The following P2RY11 variants were observed in gnomAD, a reference collection of about 807,000 sequenced individuals.
P2RY11 encodes purinergic receptor P2Y11.
In P2RY11, 3 loss-of-function variants were observed where a neutral mutation model predicts 2.4. That is an observed-to-expected ratio of 1.22 (90% CI 0.56 to 3.17). The LOEUF is 3.17. Among genes scored for constraint, P2RY11 ranks in the 30% most tolerant of loss-of-function variants. The probability of loss-of-function intolerance (pLI) is 0.03; values close to 1 mark genes in which losing one functional copy is unlikely to be tolerated. For missense variants in P2RY11, 670 were observed against 528.2 expected (o/e 1.27, Z -2.63); for synonymous variants, 307 against 237.3 (o/e 1.29, Z -2.70).
chr19:10,113,592 TG>T lies in P2RY11; in HGVS notation c.20-36del, dbSNP rs769303151. 6.3e-6 allele frequency: 10 copies of T among 1,576,328 alleles called. No individual in the cohort carries two copies. In the South Asian group the frequency reaches 1.0e-4, roughly 16 times the overall value. On this transcript the variant is annotated intron_variant, in intron 1 of 1. Coordinates refer to ENST00000321826, the MANE Select transcript of P2RY11 (RefSeq NM_002566.5). ...TCTTGGGGTAGCAGGAGCCGCCTTATGGGGGAATAGGGCTCAGCTGGTGACA... is the reference window on the plus strand; with the variant it reads ...TCTTGGGGTAGCAGGAGCCGCCTTATGGGGAATAGGGCTCAGCTGGTGACA...
intron 1 of P2RY11, among the ~76,000 whole-genome samples, chr19:10,112,942 C>CA (rs917287374): frequency 6.8e-4 from 99 of 144,536 alleles, no homozygotes; most frequent in African/African-American, 2.2e-3. Context: ...GACTCTGTCT[C>CA]AAAAAAAAAA....
Position 10,115,345 on chromosome 19 carries a change from A to C in P2RY11, c.*607A>C. Reference sequence around the variant, plus strand: ...CCCCTCTGCCCGGTTTTGGAAAAAAACAATAAAGGACTGTCCCCTCAAAAC... The same window carrying C: ...CCCCTCTGCCCGGTTTTGGAAAAAACCAATAAAGGACTGTCCCCTCAAAAC... On this transcript the variant is annotated 3_prime_UTR_variant, in exon 2 of 2. Transcript: ENST00000321826. 8.3e-7 allele frequency: 1 copy of C among 1,197,756 alleles called. No homozygotes were observed. The allele number at this position is 1,197,756 out of a possible 1,614,324, so 74.2% of individuals were successfully genotyped here. A position where few individuals can be genotyped will look rare whatever the true frequency, so the allele number is the denominator to read the frequency against.
In P2RY11 at chr19:10,115,216, G is replaced by A; in HGVS notation, c.*478G>A. The A allele has an allele frequency of 1.3e-6, 2 of 1,531,206 alleles. No homozygotes were observed. The highest frequency in any genetic ancestry group is 1.8e-6 in the Non-Finnish European group (2 of 1,122,194). The allele number at this position is 1,531,206 out of a possible 1,614,324, so 94.9% of individuals were successfully genotyped here. A position where few individuals can be genotyped will look rare whatever the true frequency, so the allele number is the denominator to read the frequency against. On this transcript the variant is annotated 3_prime_UTR_variant, in exon 2 of 2. Transcript: ENST00000321826. ...CAAGTGGCATCTTGGGGGTGGGTGG[G>A]CAGAGGACGGGGTAATGTGAGGACG...
rs76502628 is a variant in P2RY11 at position 10,115,224 on chromosome 19, C to G, written c.*486C>G. Reference sequence around the variant, plus strand: ...ATCTTGGGGGTGGGTGGGCAGAGGACGGGGTAATGTGAGGACGAAGCGGGC... The same window carrying G: ...ATCTTGGGGGTGGGTGGGCAGAGGAGGGGGTAATGTGAGGACGAAGCGGGC... On this transcript the variant is annotated 3_prime_UTR_variant, in exon 2 of 2. Transcript: ENST00000321826. 6.7e-7 allele frequency: 1 copy of G among 1,499,176 alleles called. No individual in the cohort carries two copies. The highest frequency in any genetic ancestry group is 1.4e-5 in the African/African-American group (1 of 72,884). 92.9% of individuals were successfully genotyped at this position (1,499,176 alleles called of 1,614,324 possible). A position where few individuals can be genotyped will look rare whatever the true frequency, so the allele number is the denominator to read the frequency against.
chr19:10,115,233 G>C lies in P2RY11; in HGVS notation c.*495G>C, dbSNP rs1324823409. On this transcript the variant is annotated 3_prime_UTR_variant, in exon 2 of 2. Coordinates refer to ENST00000321826, the MANE Select transcript of P2RY11 (RefSeq NM_002566.5). ...GTGGGTGGGCAGAGGACGGGGTAATGTGAGGACGAAGCGGGCACGGAGCCA... is the reference window on the plus strand; with the variant it reads ...GTGGGTGGGCAGAGGACGGGGTAATCTGAGGACGAAGCGGGCACGGAGCCA... The C allele has an allele frequency of 2.1e-6, 3 of 1,453,422 alleles. No homozygotes were observed. The highest frequency in any genetic ancestry group is 2.8e-6 in the Non-Finnish European group (3 of 1,065,758). The allele number at this position is 1,453,422 out of a possible 1,614,324, so 90.0% of individuals were successfully genotyped here. A position where few individuals can be genotyped will look rare whatever the true frequency, so the allele number is the denominator to read the frequency against.
Position 10,111,760 on chromosome 19 carries a change from G to C in P2RY11, c.19+20G>C. On this transcript the variant is annotated intron_variant, in intron 1 of 1. Transcript: ENST00000321826. ...TCTCGGGTAAGGAGAAGGCATGTTG[G>C]CTGTCTCTGGGGGTCTGCAGATTGT... 6.2e-7 allele frequency: 1 copy of C among 1,613,320 alleles called. No homozygotes were observed. The highest frequency in any genetic ancestry group is 8.5e-7 in the Non-Finnish European group (1 of 1,179,628).
rs2145224911 is a variant in P2RY11, at chr19:10,115,166, G to A, written c.*428G>A. 6.2e-7 allele frequency: 1 copy of A among 1,612,364 alleles called. No individual in the cohort carries two copies. Among genetic ancestry groups the A allele is most frequent in the Non-Finnish European group, 8.5e-7 (1 of 1,179,402 alleles). On this transcript the variant is annotated 3_prime_UTR_variant, in exon 2 of 2. Coordinates refer to ENST00000321826, the MANE Select transcript of P2RY11 (RefSeq NM_002566.5). The stretch of plus-strand genomic sequence containing the variant: ...GAGGGTGGCAGGTATAAGACTTCTG[G>A]GGGCACCCCAAGACCCCAGACACCC...
chr19:10,115,342 A>AAAAC lies in P2RY11; in HGVS notation c.*607_*610dup. On this transcript the variant is annotated 3_prime_UTR_variant, in exon 2 of 2. Transcript: ENST00000321826. ...CCACCCCTCTGCCCGGTTTTGGAAA[A>AAAAC]AAACAATAAAGGACTGTCCCCTCAA... is the stretch of plus-strand genomic sequence containing the variant. The AAAAC allele has an allele frequency of 8.3e-7, 1 of 1,199,976 alleles. No individual in the cohort carries two copies. The highest frequency in any genetic ancestry group is 1.2e-6 in the Non-Finnish European group (1 of 865,692). The allele number at this position is 1,199,976 out of a possible 1,614,324, so 74.3% of individuals were successfully genotyped here.
Position 10,115,140 on chromosome 19 carries a change from G to A in P2RY11, c.*402G>A. 6.2e-7 allele frequency: 1 copy of A among 1,613,904 alleles called. No individual in the cohort carries two copies. The highest frequency in any genetic ancestry group is 8.5e-7 in the Non-Finnish European group (1 of 1,180,004). The stretch of plus-strand genomic sequence containing the variant: ...TAGTTGGTGGACGGCCTGGGGTAGG[G>A]GAGGGTGGCAGGTATAAGACTTCTG... On this transcript the variant is annotated 3_prime_UTR_variant, in exon 2 of 2. Coordinates refer to ENST00000321826, the MANE Select transcript of P2RY11 (RefSeq NM_002566.5).
chr19:10,112,827 A>T (rs184320017), intron 1 of P2RY11, among the ~76,000 whole-genome samples: 1 of 151,650 alleles, frequency 6.6e-6, no homozygotes, highest in East Asian at 1.9e-4. Flanking sequence ...CTGTAGTCCC[A>T]AATACTCAGG....
At chr19:10,111,994 C>T (rs1432071409) in intron 1 of P2RY11, 9 of 462,828 alleles carry the variant, frequency 1.9e-5, no homozygotes, top group African/African-American at 1.2e-4. Flanking sequence ...CCTGTAATCC[C>T]AGCTACTCGG....
chr19:10,114,063 C>T lies in P2RY11; in HGVS notation c.450C>T (p.Ser150=), dbSNP rs146401761. 65 of 1,600,410 alleles carry T rather than the reference C, an allele frequency of 4.1e-5. No homozygotes were observed. Among genetic ancestry groups the T allele is most frequent in the African/African-American group, 3.5e-4 (26 of 75,042 alleles). The change falls in exon 2 of 2, where the codon AGC becomes AGT. Residue 150 remains serine, a synonymous_variant. Transcript: ENST00000321826. ...GACCCAAGCACGCCTGGGCCGTGAG[C>T]GCTGCCGGCTGGGTCCTGGCCGCCC... ...HLRPKHAWAV[S]AAGWVLAALL...
chr19:10,111,808 T>C (rs1281304385), intron 1 of P2RY11, 68 bp downstream of exon 1: 131 of 1,575,970 alleles, frequency 8.3e-5, no homozygotes, highest in Non-Finnish European at 1.1e-4. Context: ...GTAGTGGGTA[T>C]TGGTAAAACA....
chr19:10,113,687 G>C lies in P2RY11; in HGVS notation c.74G>C (p.Gly25Ala). The change falls in exon 2 of 2, where the codon GGG becomes GCG. Residue 25 changes from glycine to alanine, a missense_variant. Physicochemically the swap from Gly to Ala is moderately conservative, Grantham distance 60. Transcript: ENST00000321826. ...GCAGCTGCCGACGACAAACTCAGTG[G>C]GTTCCAGGGGGACTTCCTGTGGCCC... ...FLAAADDKLSGFQGDFLWPIL... is the reference protein window; with the variant it reads ...FLAAADDKLSAFQGDFLWPIL... 4 of 1,566,342 alleles carry C rather than the reference G, an allele frequency of 2.6e-6. No individual in the cohort carries two copies. The highest frequency in any genetic ancestry group is 1.8e-5 in the Admixed American group (1 of 56,524).
In P2RY11 at chr19:10,111,965, C is replaced by G. The variant is rs369584866; in HGVS notation, c.19+225C>G. The G allele has an allele frequency of 1.7e-5, 9 of 522,274 alleles. No individual in the cohort carries two copies. In the East Asian group the frequency reaches 2.1e-4, roughly 12 times the overall value. 32.4% of individuals were successfully genotyped at this position (522,274 alleles called of 1,614,324 possible). The stretch of plus-strand genomic sequence containing the variant: ...TCTCTACTAAAAATAAAAAAATTAG[C>G]TGGGCCTGGTGGCACATGCCTGTAA... On this transcript the variant is annotated intron_variant, in intron 1 of 1. Coordinates refer to ENST00000321826, the MANE Select transcript of P2RY11 (RefSeq NM_002566.5).
chr19:10,114,917 G>T lies in P2RY11; in HGVS notation c.*179G>T. 5 of 1,390,308 alleles carry T rather than the reference G, an allele frequency of 3.6e-6. No homozygotes were observed. Among genetic ancestry groups the T allele is most frequent in the Non-Finnish European group, 3.9e-6 (4 of 1,022,560 alleles). 86.1% of individuals were successfully genotyped at this position (1,390,308 alleles called of 1,614,324 possible). ...TTTCCCACCCACAGCGCTGGCCACA[G>T]GGCTCCCTGCAGGGTCAGGGACCAG... On this transcript the variant is annotated 3_prime_UTR_variant, in exon 2 of 2. Transcript: ENST00000321826.
In P2RY11 at chr19:10,114,247, T is replaced by C. The variant is rs900807922; in HGVS notation, c.634T>C (p.Leu212=). Residue 212 remains leucine, a synonymous_variant, in exon 2 of 2, where the codon TTG becomes CTG. Coordinates refer to ENST00000321826, the MANE Select transcript of P2RY11 (RefSeq NM_002566.5). ...AGCGTATAGCCTGGTGCTGGCGGGG[T>C]TGGGCTGCGGCCTGCCGCTGCTGCT... ...YRAYSLVLAG[L]GCGLPLLLTL... 1.9e-6 allele frequency: 3 copies of C among 1,598,322 alleles called. No individual in the cohort carries two copies. The highest frequency in any genetic ancestry group is 2.5e-6 in the Non-Finnish European group (3 of 1,179,068).
chr19:10,114,861 C>T lies in P2RY11; in HGVS notation c.*123C>T. 1 of 1,469,032 alleles carries T rather than the reference C, an allele frequency of 6.8e-7. No individual in the cohort carries two copies. The highest frequency in any genetic ancestry group is 9.0e-7 in the Non-Finnish European group (1 of 1,105,376). 91.0% of individuals were successfully genotyped at this position (1,469,032 alleles called of 1,614,324 possible). Reference sequence around the variant, plus strand: ...CACCTGTGCTTGCAGCCAGGTCAGGCCCAGCTGCAGCCCAGGCAGGAGCAG... The same window carrying T: ...CACCTGTGCTTGCAGCCAGGTCAGGTCCAGCTGCAGCCCAGGCAGGAGCAG... On this transcript the variant is annotated 3_prime_UTR_variant, in exon 2 of 2. Coordinates refer to ENST00000321826, the MANE Select transcript of P2RY11 (RefSeq NM_002566.5).
chr19:10,111,697 A>G lies in P2RY11; in HGVS notation c.-25A>G. 6.2e-7 allele frequency: 1 copy of G among 1,613,696 alleles called. No homozygotes were observed. The highest frequency in any genetic ancestry group is 8.5e-7 in the Non-Finnish European group (1 of 1,179,862). ...GGGGCTGGGGAACTGGGTAGCAGAC[A>G]CAGGCTGAGGATCGGCACGGGAGCA... On this transcript the variant is annotated 5_prime_UTR_variant, in exon 1 of 2. Coordinates refer to ENST00000321826, the MANE Select transcript of P2RY11 (RefSeq NM_002566.5).
Sources: allele counts gnomAD v4.1 joint callset (sites outside exome capture counted in the v4.1 genomes callset), GRCh38; gene constraint gnomAD v4.1.1; transcripts MANE v1.5; gene names NCBI Gene and HGNC (gene_info 2026-07-23, HGNC 2026-07-21).